The following PARP9 variants were observed in gnomAD, a reference collection of about 807,000 sequenced individuals.
PARP9 encodes the protein protein mono-ADP-ribosyltransferase PARP9.
PARP9 carries 48 observed loss-of-function variants against 68.8 expected under a neutral mutation model. The ratio of observed to expected loss-of-function variants is 0.70; its 90% CI spans 0.55 to 0.89. The LOEUF (loss-of-function observed/expected upper bound fraction) is 0.89, where lower values mean the gene tolerates loss of function less well. PARP9 is among the 40% of genes least tolerant of loss of function. The probability of loss-of-function intolerance (pLI) is 0.00; values close to 1 mark genes in which losing one functional copy is unlikely to be tolerated. For missense variants in PARP9, 806 were observed against 969.3 expected (o/e 0.83, Z 2.24); for synonymous variants, 309 against 333.8 (o/e 0.93, Z 0.81).
chr3:122,562,730 G>A (rs375827097), intron 1 of PARP9, among the ~76,000 whole-genome samples: 3 of 152,238 alleles, frequency 2.0e-5, no homozygotes, highest in Non-Finnish European at 1.5e-5. Flanking sequence ...CCCACATAAT[G>A]TATCCTAGAG....
chr3:122,529,018 C>T (rs1228721460), intron 10 of PARP9, among the ~76,000 whole-genome samples: 4 of 151,832 alleles, frequency 2.6e-5, no homozygotes, highest in East Asian at 1.9e-4. Flanking sequence ...GAGGCTGAGG[C>T]GGGTGGAACA....
chr3:122,563,175 T>A (rs900174179), intron 1 of PARP9, among the ~76,000 whole-genome samples: 5 of 152,200 alleles, frequency 3.3e-5, no homozygotes, highest in African/African-American at 1.2e-4. Flanking sequence ...CAAGTCATTT[T>A]CTTGCTTTCC....
At chr3:122,528,909 CAA>C (rs1482317557) in intron 10 of PARP9, among the ~76,000 whole-genome samples, 166 bp from the exon 11 acceptor site, 1 of 152,072 alleles carries the variant, frequency 6.6e-6, no homozygotes, top group East Asian at 1.9e-4. Flanking sequence ...TTCCTTGAAA[CAA>C]ATTATCACTG....
intron 8 of PARP9, among the ~76,000 whole-genome samples, chr3:122,539,563 C>CTTTCTTTG (rs1553714675): frequency 3.7e-5 from 3 of 80,544 alleles, no homozygotes; most frequent in Non-Finnish European, 7.6e-5. Context: ...TTCTTTCTTT[C>CTTTCTTTG]TTTCTTTTTT....
chr3:122,559,969 A>G (rs146065771), intron 1 of PARP9, among the ~76,000 whole-genome samples: 2 of 152,336 alleles, frequency 1.3e-5, no homozygotes, highest in African/African-American at 4.8e-5. Flanking sequence ...AGCTATATGG[A>G]GGAGTTGAGA....
At chr3:122,563,829 T>C (rs1221501422) in intron 1 of PARP9, among the ~76,000 whole-genome samples, 1 of 152,108 alleles carries the variant, frequency 6.6e-6, no homozygotes, top group Non-Finnish European at 1.5e-5. Context: ...TCACCAGCCC[T>C]TGACATCAGG....
intron 7 of PARP9, among the ~76,000 whole-genome samples, chr3:122,541,684 C>T (rs1297422968): frequency 1.3e-5 from 2 of 152,214 alleles, no homozygotes; most frequent in Non-Finnish European, 2.9e-5. Flanking sequence ...TTCCACTACT[C>T]AGGATTCCTC....
At position 122,550,632 on chromosome 3, in the gene PARP9, C is replaced by T; in HGVS notation, c.1278G>A (p.Gln426=). Residue 426 remains glutamine, a synonymous_variant, in exon 6 of 11, where the codon CAG becomes CAA. Coordinates refer to ENST00000682323, the MANE Select transcript of PARP9 (RefSeq NM_001146105.2). ...LTFAKDHVKH[Q]LTVKFVIFPT... ...GAAAGATCACAAATTTTACAGTTAA[C>T]TGGTGTTTTACATGGTCTTTGGCAA... is the stretch of plus-strand genomic sequence containing the variant. 6.2e-7 allele frequency: 1 copy of T among 1,613,750 alleles called. No individual in the cohort carries two copies. The highest frequency in any genetic ancestry group is 8.5e-7 in the Non-Finnish European group (1 of 1,179,982).
chr3:122,534,929 G>A (rs2077538139), intron 10 of PARP9: 3 of 980,236 alleles, frequency 3.1e-6, no homozygotes, highest in Non-Finnish European at 3.6e-6. Flanking sequence ...AGCTGATGAT[G>A]AGTCTGGCTA....
intron 6 of PARP9, among the ~76,000 whole-genome samples, chr3:122,548,296 C>T (rs966987860): frequency 3.9e-5 from 6 of 152,184 alleles, no homozygotes; most frequent in African/African-American, 7.2e-5. Context: ...CAACCATGCA[C>T]ATAGAGCAGG....
intron 6 of PARP9, among the ~76,000 whole-genome samples, chr3:122,549,472 G>A (rs747867951): frequency 4.6e-5 from 7 of 152,056 alleles, no homozygotes; most frequent in Non-Finnish European, 1.0e-4. Context: ...GATTTTAGAG[G>A]GAAAACTGAT....
At chr3:122,539,510 T>TCTTTCTTTCTTTCTTTCTTC (rs2077950977) in intron 8 of PARP9, among the ~76,000 whole-genome samples, 2 of 16,546 alleles carry the variant, frequency 1.2e-4, no homozygotes, top group African/African-American at 5.4e-4. Context: ...AGATGGCATT[T>TCTTTCTTTCTTTCTTTCTTC]CTTTCTTTCT....
chr3:122,552,775 T>G, intron 4 of PARP9, 136 bp from the exon 5 acceptor site: 1 of 639,872 alleles, frequency 1.6e-6, no homozygotes, highest in Non-Finnish European at 2.7e-6. Flanking sequence ...TCATTAATAA[T>G]GAATAGAAAC....
intron 4 of PARP9, 41 bp from the exon 5 acceptor site, chr3:122,552,680 T>C: frequency 6.9e-7 from 1 of 1,449,176 alleles, no homozygotes; most frequent in Non-Finnish European, 9.7e-7. Flanking sequence ...GTTAAATTCC[T>C]TCTTCTTAAA....
chr3:122,550,547 G>C, intron 6 of PARP9, 37 bp downstream of exon 6: 2 of 1,486,958 alleles, frequency 1.3e-6, no homozygotes, highest in Non-Finnish European at 1.9e-6. Context: ...ATGAATGAAT[G>C]AATGAACAGT....
chr3:122,544,954 T>C (rs1162434005), intron 7 of PARP9, among the ~76,000 whole-genome samples: 1 of 152,182 alleles, frequency 6.6e-6, no homozygotes, highest in African/African-American at 2.4e-5. Flanking sequence ...CAAATACATA[T>C]TTTGGGGGTT....
At chr3:122,549,247 C>T (rs753096349) in intron 6 of PARP9, among the ~76,000 whole-genome samples, 5 of 152,064 alleles carry the variant, frequency 3.3e-5, no homozygotes, top group Admixed American at 3.3e-4. Context: ...AACTCGTGAC[C>T]TCAGATGATC....
chr3:122,555,373 C>G lies in PARP9; in HGVS notation c.798G>C (p.Leu266=). Residue 266 remains leucine (L), a synonymous_variant, in exon 4 of 11, where the codon CTG becomes CTC. Transcript: ENST00000682323. ...ASEFILGKSE[L]GQETTPSFNA... ...TGAAAGAAGGGGTGGTTTCTTGTCC[C>G]AGCTCACTCTTCCCTAGGATGAATT... The G allele has an allele frequency of 6.2e-7, 1 of 1,614,120 alleles. No homozygotes were observed. The highest frequency in any genetic ancestry group is 8.5e-7 in the Non-Finnish European group (1 of 1,180,004).
chr3:122,552,134 G>T (rs2107687411), intron 5 of PARP9, among the ~76,000 whole-genome samples: 1 of 151,374 alleles, frequency 6.6e-6, no homozygotes, highest in South Asian at 2.1e-4. Flanking sequence ...TGCTTAGGCT[G>T]GTCTCAGACT....
Sources: allele counts gnomAD v4.1 joint callset (sites outside exome capture counted in the v4.1 genomes callset), GRCh38; gene constraint gnomAD v4.1.1; transcripts MANE v1.5; gene names NCBI Gene and HGNC (gene_info 2026-07-23, HGNC 2026-07-21).